The following GDAP1 variants were observed in gnomAD, a reference collection of about 807,000 sequenced individuals.
The protein encoded by GDAP1 is ganglioside-induced differentiation-associated protein 1.
Under a neutral mutation model 40.1 loss-of-function variants are expected in GDAP1, and 34 were observed. The ratio of observed to expected loss-of-function variants is 0.85; its 90% CI spans 0.64 to 1.13. The LOEUF is 1.13. GDAP1 is among the 50% of genes most tolerant of loss of function. The pLI, the probability that GDAP1 is intolerant of heterozygous loss-of-function variation, is 0.00. For missense variants in GDAP1, 374 were observed against 433.7 expected (o/e 0.86, Z 1.22); for synonymous variants, 170 against 157.4 (o/e 1.08, Z -0.60).
At chr8:74,374,160 A>G (rs1809807848) in intron 2 of GDAP1, among the ~76,000 whole-genome samples, 1 of 152,172 alleles carries the variant, frequency 6.6e-6, no homozygotes. Context: ...TCGGTTTGCC[A>G]GTATTGTATT....
rs1188670799 is a variant in GDAP1, at chr8:74,404,278, G to C, written c.165+52957G>C. 6.7e-5 allele frequency among the ~76,000 whole-genome samples: 10 copies of C among 149,120 alleles called. 2 individuals are homozygous for C. Among genetic ancestry groups the C allele is most frequent in the African/African-American group, 1.3e-4 (5 of 38,774 alleles). Reference sequence around the variant, plus strand: ...TTGGTGCAAAAGTAATTGCAGTTTTGACTATTACTTTTAAATGGCAAAACC... The same window carrying C: ...TTGGTGCAAAAGTAATTGCAGTTTTCACTATTACTTTTAAATGGCAAAACC... On this transcript the variant is annotated intron_variant, in intron 2 of 2. Transcript: ENST00000523640.
intron 5 of GDAP1, among the ~76,000 whole-genome samples, chr8:74,363,598 A>G (rs1809476690): frequency 6.6e-6 from 1 of 152,226 alleles, no homozygotes; most frequent in Non-Finnish European, 1.5e-5. Flanking sequence ...CCACTGAGTG[A>G]TGTTTCAGAC....
intron 1 of GDAP1, 32 bp downstream of exon 1, chr8:74,350,610 C>A: frequency 7.7e-7 from 1 of 1,304,168 alleles, no homozygotes; most frequent in Non-Finnish European, 1.1e-6. Context: ...GAGGGTGGCG[C>A]GGATCGGGCT....
intron 2 of GDAP1, among the ~76,000 whole-genome samples, chr8:74,411,749 G>T (rs1296139475): frequency 6.7e-6 from 1 of 148,776 alleles, no homozygotes; most frequent in Non-Finnish European, 1.5e-5. Flanking sequence ...AAGCATAGTG[G>T]CTTATGCCTG....
chr8:74,453,587 A>G (rs113570082), intron 2 of GDAP1, among the ~76,000 whole-genome samples: 1 of 84,106 alleles, frequency 1.2e-5, no homozygotes, highest in African/African-American at 5.2e-5. Flanking sequence ...TGAAACTTTT[A>G]TACATTTGTA....
intron 2 of GDAP1, among the ~76,000 whole-genome samples, chr8:74,425,663 T>C (rs1428839036): frequency 3.9e-5 from 6 of 152,176 alleles, no homozygotes; most frequent in Non-Finnish European, 7.4e-5. Context: ...TGGATTTTGA[T>C]TAAAAGTGGA....
chr8:74,399,149 G>C (rs1228214508), intron 2 of GDAP1, among the ~76,000 whole-genome samples: 1 of 152,006 alleles, frequency 6.6e-6, no homozygotes, highest in Admixed American at 6.5e-5. Context: ...TGTACCTCTG[G>C]TTGAATTCGG....
In GDAP1 at chr8:74,409,563, G is replaced by C. The variant is rs181630397; in HGVS notation, c.165+58242G>C. 1.7e-4 allele frequency among the ~76,000 whole-genome samples: 26 copies of C among 150,048 alleles called. 2 individuals carry two copies. Among genetic ancestry groups the C allele is most frequent in the African/African-American group, 6.6e-4 (26 of 39,444 alleles). On this transcript the variant is annotated intron_variant, in intron 2 of 2. Transcript: ENST00000523640. ...AGATGGGGTTTCACCATGTTGGCCA[G>C]CCTGGTGTTGAACTCCTGACTTCAA...
At chr8:74,396,616 T>A (rs1038926348) in intron 2 of GDAP1, among the ~76,000 whole-genome samples, 2 of 152,106 alleles carry the variant, frequency 1.3e-5, no homozygotes, top group Non-Finnish European at 2.9e-5. Flanking sequence ...TTTGGTTTTT[T>A]GTCCTTGCGA....
intron 2 of GDAP1, among the ~76,000 whole-genome samples, chr8:74,483,547 C>T (rs747896567): frequency 7.9e-5 from 12 of 152,160 alleles, no homozygotes; most frequent in Admixed American, 2.6e-4. Context: ...TGCATTGGCA[C>T]GCATTTCAAA....
At chr8:74,388,286 G>A (rs1172927292) in intron 2 of GDAP1, among the ~76,000 whole-genome samples, 1 of 151,992 alleles carries the variant, frequency 6.6e-6, no homozygotes, top group Admixed American at 6.6e-5. Context: ...GTTGATTTTA[G>A]ATCTTTCCCA....
At chr8:74,433,000 G>A (rs1806046121) in intron 2 of GDAP1, among the ~76,000 whole-genome samples, 1 of 152,112 alleles carries the variant, frequency 6.6e-6, no homozygotes, top group African/African-American at 2.4e-5. Flanking sequence ...TAGTCCAATA[G>A]GCTTCAGCCA....
chr8:74,480,800 A>C (rs1490989454), intron 2 of GDAP1, among the ~76,000 whole-genome samples: 4 of 152,110 alleles, frequency 2.6e-5, no homozygotes, highest in African/African-American at 9.7e-5. Flanking sequence ...CCAATTCTTC[A>C]CTTTGGAATA....
intron 2 of GDAP1, among the ~76,000 whole-genome samples, chr8:74,372,696 T>G (rs1235833816): frequency 6.6e-6 from 1 of 152,176 alleles, no homozygotes; most frequent in Non-Finnish European, 1.5e-5. Context: ...ATTGCAAAAA[T>G]TTTCTCCCTT....
chr8:74,486,952 T>C (rs1016910838), intron 2 of GDAP1, among the ~76,000 whole-genome samples: 6 of 152,148 alleles, frequency 3.9e-5, no homozygotes, highest in Non-Finnish European at 7.4e-5. Context: ...AGACCTCGTT[T>C]AAATTATTCT....
downstream of GDAP1, among the ~76,000 whole-genome samples, chr8:74,371,752 T>C (rs1030262710): frequency 1.9e-4 from 28 of 147,908 alleles, no homozygotes; most frequent in Admixed American, 2.0e-3. Flanking sequence ...GAGGGAAATT[T>C]ATAGTTTGTT....
chr8:74,362,819 T>G, intron 4 of GDAP1, 120 bp from the exon 5 acceptor site: 1 of 490,218 alleles, frequency 2.0e-6, no homozygotes, highest in Non-Finnish European at 3.7e-6. Context: ...AGTTTTTCTA[T>G]TTCTTCTCGT....
intron 2 of GDAP1, among the ~76,000 whole-genome samples, chr8:74,375,019 T>C (rs1809827119): frequency 6.6e-6 from 1 of 152,154 alleles, no homozygotes; most frequent in African/African-American, 2.4e-5. Context: ...CTGATACCAG[T>C]ATCTGAGTTA....
In GDAP1 at chr8:74,413,874, C is replaced by G. The variant is rs946278061; in HGVS notation, c.165+62553C>G. On this transcript the variant is annotated intron_variant, in intron 2 of 2. Transcript: ENST00000523640. ...GGAAGCACTAGAGAACAGGAAAGTA[C>G]TGGAGCAATTTCAGAGAGGGAGAAC... 4.0e-5 allele frequency among the ~76,000 whole-genome samples: 6 copies of G among 149,732 alleles called. 1 individual carries two copies. The highest frequency in any genetic ancestry group is 1.5e-4 in the African/African-American group (6 of 39,108).
Sources: gnomAD v4.1 joint callset for allele counts (sites outside exome capture counted in the v4.1 genomes callset) on GRCh38, gnomAD v4.1.1 for gene constraint, MANE v1.5 for transcripts, NCBI Gene and HGNC (gene_info 2026-07-23, HGNC 2026-07-21) for gene names.